Variants in DCLRE1C observed in about 807,000 individuals in gnomAD.
DCLRE1C encodes the protein protein artemis.
In DCLRE1C, 47 loss-of-function variants were observed where a neutral mutation model predicts 61.4. The observed-to-expected ratio is 0.77, with a 90% CI of 0.61 to 0.98. DCLRE1C has a LOEUF of 0.98. Among genes scored for constraint, DCLRE1C ranks in the 50% least tolerant of loss-of-function variants. The pLI is 0.00. For missense variants in DCLRE1C, 858 were observed against 816.0 expected, an observed-to-expected ratio of 1.05 and a Z score of -0.63; for synonymous variants, 337 against 287.6, an observed-to-expected ratio of 1.17 and a Z score of -1.74.
chr10:14,926,691 G>T, intron 11 of DCLRE1C, 152 bp downstream of exon 11: 22 of 575,124 alleles, frequency 3.8e-5, no homozygotes, highest in East Asian at 9.9e-5. Context: ...CATGAATAAT[G>T]AGGATGAACT....
Position 14,899,488 on chromosome 10 carries a change from G to T in DCLRE1C, c.1157-176C>A, listed in dbSNP as rs138209139. 43 of 1,590,424 alleles carry T rather than the reference G, an allele frequency of 2.7e-5. No individual in the cohort carries two copies. The East Asian group carries it at 9.4e-4, about 35-fold the overall frequency. ...CATATTAGTAGATAGGTAGATGAATGCTTCTTTGGTTCAGTAGCTACGTAA... is the reference window on the plus strand; with the variant it reads ...CATATTAGTAGATAGGTAGATGAATTCTTCTTTGGTTCAGTAGCTACGTAA... On this transcript the variant is annotated intron_variant, in intron 13 of 13. Transcript: ENST00000378289.
At chr10:14,946,409 T>C (rs552993680) in intron 2 of DCLRE1C, among the ~76,000 whole-genome samples, 127 of 152,270 alleles carry the variant, frequency 8.3e-4, no homozygotes, top group African/African-American at 2.9e-3. Context: ...ACATACACCA[T>C]CCATACATGC....
exon 14 of DCLRE1C, chr10:14,898,149 T>G (rs1833721917): frequency 6.7e-6 from 1 of 150,194 alleles, no homozygotes; most frequent in African/African-American, 2.4e-5. Flanking sequence ...TTCTAAGCAC[T>G]TGATGTATTA....
intron 9 of DCLRE1C, among the ~76,000 whole-genome samples, chr10:14,932,481 C>T (rs902099230): frequency 4.6e-5 from 7 of 151,546 alleles, no homozygotes; most frequent in Admixed American, 6.6e-5. Context: ...GTAAAAATAA[C>T]AAAAAATTAG....
At chr10:14,913,675 A>G (rs1324440140) in intron 13 of DCLRE1C, among the ~76,000 whole-genome samples, 1 of 152,258 alleles carries the variant, frequency 6.6e-6, no homozygotes, top group African/African-American at 2.4e-5. Flanking sequence ...TTAAAATACA[A>G]AAAACACAAA....
chr10:14,952,212 T>C (rs1461856194), intron 1 of DCLRE1C, among the ~76,000 whole-genome samples: 1 of 152,062 alleles, frequency 6.6e-6, no homozygotes. Flanking sequence ...CCATTTTGAG[T>C]TCAGAGACTC....
intron 2 of DCLRE1C, among the ~76,000 whole-genome samples, chr10:14,947,828 G>A (rs371761130): frequency 6.6e-6 from 1 of 152,192 alleles, no homozygotes; most frequent in East Asian, 1.9e-4. Context: ...GGGAGGCTGA[G>A]GCAGGCAGAT....
rs189338531 is a variant in DCLRE1C, at chr10:14,944,644, T to C, written c.246+461A>G. Among the ~76,000 whole-genome samples, 136 of 151,692 alleles carry C rather than the reference T, an allele frequency of 9.0e-4. 1 individual carries two copies. Among genetic ancestry groups the C allele is most frequent in the African/African-American group, 3.1e-3 (127 of 41,412 alleles). On this transcript the variant is annotated intron_variant, in intron 3 of 13. Coordinates refer to ENST00000378278, the MANE Select transcript of DCLRE1C (RefSeq NM_001033855.3). Reference sequence around the variant, plus strand: ...CAAATGTTGACTTCTGCCATATTGTTCAATGCCAACAGACTTAATTTTTTT... The same window carrying C: ...CAAATGTTGACTTCTGCCATATTGTCCAATGCCAACAGACTTAATTTTTTT...
intron 2 of DCLRE1C, among the ~76,000 whole-genome samples, chr10:14,948,770 T>TTA (rs35296522): frequency 0.018 from 2,524 of 143,534 alleles, 35 homozygotes; most frequent in South Asian, 0.03. Context: ...TTTGGTAGGA[T>TTA]TATATATATA....
At chr10:14,952,555 T>C (rs552993244) in intron 1 of DCLRE1C, among the ~76,000 whole-genome samples, 2 of 152,156 alleles carry the variant, frequency 1.3e-5, no homozygotes, top group East Asian at 3.9e-4. Context: ...GCCACTGCAC[T>C]CCAGCCTGGT....
At chr10:14,899,660 A>G (rs757086288), downstream of DCLRE1C, 4 of 1,613,772 alleles carry the variant, frequency 2.5e-6, no homozygotes, top group Admixed American at 1.7e-5. Flanking sequence ...CGATACGGCA[A>G]TGTGTCTCAT....
downstream of DCLRE1C, among the ~76,000 whole-genome samples, chr10:14,900,112 T>C (rs1347508321): frequency 6.6e-6 from 1 of 152,206 alleles, no homozygotes; most frequent in Non-Finnish European, 1.5e-5. Context: ...ACATGTTAAC[T>C]TTTTATAAAA....
At chr10:14,901,586 C>G (rs1487026522), downstream of DCLRE1C, among the ~76,000 whole-genome samples, 2 of 150,408 alleles carry the variant, frequency 1.3e-5, no homozygotes, top group Admixed American at 1.3e-4. Context: ...CATGCTGGCT[C>G]CTGCCTGTAA....
chr10:14,928,630 A>G (rs180973670), intron 9 of DCLRE1C, among the ~76,000 whole-genome samples: 2 of 152,276 alleles, frequency 1.3e-5, no homozygotes, highest in African/African-American at 4.8e-5. Flanking sequence ...TCTTATTCTC[A>G]AGAGCCACAG....
chr10:14,925,581 G>T (rs1000702614), intron 11 of DCLRE1C, among the ~76,000 whole-genome samples: 3 of 152,148 alleles, frequency 2.0e-5, no homozygotes, highest in Admixed American at 6.5e-5. Context: ...GTGTGTTTCT[G>T]TTGAAAGACA....
intron 1 of DCLRE1C, among the ~76,000 whole-genome samples, chr10:14,953,407 G>T (rs1040396546): frequency 2.0e-5 from 3 of 152,094 alleles, no homozygotes; most frequent in South Asian, 2.1e-4. Flanking sequence ...AAACTAGAAC[G>T]AAACTTTCAT....
chr10:14,933,024 A>G (rs1839289270), intron 8 of DCLRE1C, 69 bp from the exon 9 acceptor site: 1 of 1,559,704 alleles, frequency 6.4e-7, no homozygotes, highest in East Asian at 2.2e-5. Flanking sequence ...AAGGTTAATT[A>G]CTCAGGGCAA....
At chr10:14,916,844 C>G (rs1465389730) in intron 13 of DCLRE1C, among the ~76,000 whole-genome samples, 1 of 152,144 alleles carries the variant, frequency 6.6e-6, no homozygotes, top group Non-Finnish European at 1.5e-5. Flanking sequence ...CCAAATTGAT[C>G]AACAGATTTA....
rs1481762787 is a variant in DCLRE1C at position 14,908,276 on chromosome 10, C to T, written c.*132G>A. 4.4e-6 allele frequency: 3 copies of T among 677,430 alleles called. No homozygotes were observed. The highest frequency in any genetic ancestry group is 1.9e-5 in the African/African-American group (1 of 53,098). The allele number at this position is 677,430 out of a possible 1,614,324, so 42.0% of individuals were successfully genotyped here. On this transcript the variant is annotated 3_prime_UTR_variant, in exon 14 of 14. Transcript: ENST00000378278. ...TGCCCACCTCAAAGTGCTGGGATTACAAGTGTGAGCCACCACACCCAACCA... is the reference window on the plus strand; with the variant it reads ...TGCCCACCTCAAAGTGCTGGGATTATAAGTGTGAGCCACCACACCCAACCA...
Sources: gnomAD v4.1 joint callset for allele counts (sites outside exome capture counted in the v4.1 genomes callset) on GRCh38, gnomAD v4.1.1 for gene constraint, MANE v1.5 for transcripts, NCBI Gene and HGNC (gene_info 2026-07-23, HGNC 2026-07-21) for gene names.